The following RGS17 variants were observed in gnomAD, a reference collection of about 807,000 sequenced individuals.
The protein encoded by RGS17 is regulator of G protein signaling 17.
A neutral mutation model predicts 25.5 loss-of-function variants in RGS17; 12 were observed. The observed-to-expected ratio is 0.47, with a 90% CI of 0.30 to 0.76. The LOEUF is 0.76. Among genes scored for constraint, RGS17 ranks in the 30% least tolerant of loss-of-function variants. The probability of loss-of-function intolerance (pLI) is 0.07; values close to 1 mark genes in which losing one functional copy is unlikely to be tolerated. For synonymous variants in RGS17, 71 were observed against 76.9 expected (o/e 0.92, Z 0.40); for missense variants, 196 against 242.2 (o/e 0.81, Z 1.27).
At chr6:153,105,690 C>G (rs1285656347) in intron 1 of RGS17, among the ~76,000 whole-genome samples, 2 of 152,142 alleles carry the variant, frequency 1.3e-5, no homozygotes, top group East Asian at 1.9e-4. Flanking sequence ...CCAGAGGTGA[C>G]AGCATGGACA....
In RGS17 at chr6:153,044,058, A is replaced by AT; in HGVS notation, c.-25-16_-25-15insA. 7.7e-7 allele frequency: 1 copy of AT among 1,300,192 alleles called. No individual in the cohort carries two copies. Among genetic ancestry groups the AT allele is most frequent in the Non-Finnish European group, 1.1e-6 (1 of 899,698 alleles). 80.5% of individuals were successfully genotyped at this position (1,300,192 alleles called of 1,614,324 possible). A position where few individuals can be genotyped will look rare whatever the true frequency, so the allele number is the denominator to read the frequency against. The stretch of plus-strand genomic sequence containing the variant: ...GACCCAGTTGGCTGAAAGAGATAAA[A>AT]CAAAAAATTGGGTATGAAAAAAGCA... On this transcript the variant is annotated splice_polypyrimidine_tract_variant and intron_variant, in intron 1 of 4. Coordinates refer to ENST00000206262, the MANE Select transcript of RGS17 (RefSeq NM_012419.5).
chr6:153,020,433 G>T (rs1277001128), intron 4 of RGS17, among the ~76,000 whole-genome samples: 1 of 151,876 alleles, frequency 6.6e-6, no homozygotes, highest in Non-Finnish European at 1.5e-5. Flanking sequence ...GATTACAGGT[G>T]TGAGCCACCG....
chr6:153,128,012 T>A (rs1366405670), intron 1 of RGS17, among the ~76,000 whole-genome samples: 1 of 152,206 alleles, frequency 6.6e-6, no homozygotes, highest in African/African-American at 2.4e-5. Flanking sequence ...TAGGAAAGTG[T>A]CTTTTTTTCA....
At position 153,006,815 on chromosome 6, in the gene RGS17, CAGAGA is replaced by C. The variant is rs1386922094; in HGVS notation, c.*4754_*4758del. On this transcript the variant is annotated 3_prime_UTR_variant, in exon 5 of 5. Coordinates refer to ENST00000206262, the MANE Select transcript of RGS17 (RefSeq NM_012419.5). ...TCATTTGCAGATGAGGAAATGAACT[CAGAGA>C]AGATAAATGATTTGCCCAAAGTCAC... is the stretch of plus-strand genomic sequence containing the variant. 6.6e-6 allele frequency: 1 copy of C among 152,134 alleles called. No individual in the cohort carries two copies. Among genetic ancestry groups the C allele is most frequent in the Admixed American group, 6.5e-5 (1 of 15,272 alleles). 9.4% of individuals were successfully genotyped at this position (152,134 alleles called of 1,614,324 possible).
intron 1 of RGS17, among the ~76,000 whole-genome samples, chr6:153,081,985 T>A (rs772148747): frequency 7.2e-5 from 11 of 152,180 alleles, no homozygotes; most frequent in Non-Finnish European, 1.3e-4. Flanking sequence ...TAGGCTTCAA[T>A]CTTGAACGAT....
chr6:153,029,230 C>T (rs958254239), intron 2 of RGS17, among the ~76,000 whole-genome samples: 2 of 152,196 alleles, frequency 1.3e-5, no homozygotes, highest in Non-Finnish European at 2.9e-5. Context: ...AGAAATTGAA[C>T]TTTGGCAACA....
rs570892452 is a variant in RGS17 at position 153,011,539 on chromosome 6, C to T, written c.*35G>A. On this transcript the variant is annotated 3_prime_UTR_variant, in exon 5 of 5. Transcript: ENST00000206262. ...TTATTTAACTACTTTTATTTCCCAT[C>T]TCAGCCCTCCAAAATGATTGTTTTT... The T allele has an allele frequency of 6.9e-7, 1 of 1,448,482 alleles. No homozygotes were observed. The highest frequency in any genetic ancestry group is 2.3e-5 in the East Asian group (1 of 43,856). 89.7% of individuals were successfully genotyped at this position (1,448,482 alleles called of 1,614,324 possible).
At chr6:153,031,690 G>GC (rs1431934600) in intron 2 of RGS17, among the ~76,000 whole-genome samples, 1 of 152,158 alleles carries the variant, frequency 6.6e-6, no homozygotes, top group Admixed American at 6.5e-5. Context: ...TTGTGGTATT[G>GC]CAAGTGTTTA....
chr6:153,106,898 T>C (rs1017470433), intron 1 of RGS17, among the ~76,000 whole-genome samples: 1 of 151,400 alleles, frequency 6.6e-6, no homozygotes, highest in African/African-American at 2.4e-5. Context: ...CCTCCCAAAG[T>C]ACTGGGATTA....
At chr6:153,020,118 A>ATATATATATATATATATATT (rs1562312980) in intron 4 of RGS17, among the ~76,000 whole-genome samples, 12 of 78,824 alleles carry the variant, frequency 1.5e-4, no homozygotes, top group African/African-American at 7.0e-4. Context: ...AAAAATATAT[A>ATATATATATATATATATATT]TATATATATA....
Position 153,122,045 on chromosome 6 carries a change from G to A in RGS17, c.-26+9079C>T, listed in dbSNP as rs528069695. ...TAATATAGCAGAGTTACATAATAAC[G>A]TATTGAATGATATTATACTTTAAGA... On this transcript the variant is annotated intron_variant, in intron 1 of 4. Coordinates refer to ENST00000206262, the MANE Select transcript of RGS17 (RefSeq NM_012419.5). 1.8e-3 allele frequency among the ~76,000 whole-genome samples: 279 copies of A among 152,096 alleles called. 1 individual carries two copies. Among genetic ancestry groups the A allele is most frequent in the Non-Finnish European group, 2.8e-3 (192 of 67,994 alleles).
chr6:153,019,559 G>A (rs1206321618), intron 4 of RGS17, among the ~76,000 whole-genome samples: 1 of 152,146 alleles, frequency 6.6e-6, no homozygotes, highest in African/African-American at 2.4e-5. Context: ...GAATGCTTTA[G>A]CACCATCTTC....
chr6:153,015,697 A>G (rs555652164), intron 4 of RGS17, among the ~76,000 whole-genome samples: 437 of 151,110 alleles, frequency 2.9e-3, no homozygotes, highest in African/African-American at 9.9e-3. Flanking sequence ...TCTGTCGCCC[A>G]GGCTGGAGTG....
chr6:153,125,798 C>A (rs1262816746), intron 1 of RGS17, among the ~76,000 whole-genome samples: 1 of 152,118 alleles, frequency 6.6e-6, no homozygotes, highest in African/African-American at 2.4e-5. Context: ...TGAGCCATGA[C>A]TGAGCCACTG....
At chr6:153,096,286 G>A (rs902827022) in intron 1 of RGS17, among the ~76,000 whole-genome samples, 2 of 152,164 alleles carry the variant, frequency 1.3e-5, no homozygotes, top group Middle Eastern at 3.2e-3. Flanking sequence ...TGTGGCTGAG[G>A]TCTAGCTCTG....
intron 1 of RGS17, among the ~76,000 whole-genome samples, chr6:153,062,063 G>C (rs1776646420): frequency 6.6e-6 from 1 of 152,146 alleles, no homozygotes; most frequent in Non-Finnish European, 1.5e-5. Context: ...GCATTGAGAA[G>C]GTGGAGCAAG....
intron 2 of RGS17, among the ~76,000 whole-genome samples, chr6:153,031,874 G>C (rs1039378925): frequency 6.6e-6 from 1 of 152,134 alleles, no homozygotes; most frequent in African/African-American, 2.4e-5. Context: ...CAATTCCCTG[G>C]AATTTGAGAT....
chr6:153,106,118 G>A (rs892258089), intron 1 of RGS17, among the ~76,000 whole-genome samples: 8 of 152,070 alleles, frequency 5.3e-5, no homozygotes, highest in Non-Finnish European at 8.8e-5. Context: ...AACTGAGAAG[G>A]GGGTCAAGGT....
At chr6:153,104,205 T>C (rs1777347203) in intron 1 of RGS17, among the ~76,000 whole-genome samples, 1 of 152,232 alleles carries the variant, frequency 6.6e-6, no homozygotes, top group African/African-American at 2.4e-5. Context: ...TTCAATGTTG[T>C]TTCTTCAATT....
Sources: allele counts gnomAD v4.1 joint callset (sites outside exome capture counted in the v4.1 genomes callset), GRCh38; gene constraint gnomAD v4.1.1; transcripts MANE v1.5; gene names NCBI Gene and HGNC (gene_info 2026-07-23, HGNC 2026-07-21).